CSMD1: variants seen among roughly 807,000 people sequenced by gnomAD.
CSMD1 encodes the protein CUB and Sushi multiple domains 1, also known as CUB and sushi domain-containing protein 1.
Under a neutral mutation model 417.5 loss-of-function variants are expected in CSMD1, and 213 were observed. The observed-to-expected ratio is 0.51, with a 90% CI of 0.46 to 0.57. CSMD1 has a LOEUF of 0.57. Ranked by LOEUF, CSMD1 falls within the 20% of genes least tolerant of loss-of-function variation. CSMD1 has a pLI of 0.00. For synonymous variants in CSMD1, 2,862 were observed against 1,736.8 expected, an observed-to-expected ratio of 1.65 and a Z score of -16.11; for missense variants, 6,923 against 4,529.7, an observed-to-expected ratio of 1.53 and a Z score of -15.17.
At chr8:4,050,099 G>C (rs1334724957) in intron 3 of CSMD1, among the ~76,000 whole-genome samples, 1 of 152,112 alleles carries the variant, frequency 6.6e-6, no homozygotes, top group East Asian at 1.9e-4. Context: ...CCAGGTTGTG[G>C]GTTGTTGGGA....
intron 11 of CSMD1, 48 bp downstream of exon 11, chr8:3,493,575 C>A (rs779198310): frequency 6.8e-7 from 1 of 1,479,600 alleles, no homozygotes; most frequent in South Asian, 1.2e-5. Context: ...ACCCACCGTG[C>A]CCCGCACTGC....
intron 3 of CSMD1, among the ~76,000 whole-genome samples, chr8:4,417,214 T>A (rs1203294625): frequency 1.3e-5 from 2 of 152,080 alleles, no homozygotes; most frequent in Non-Finnish European, 2.9e-5. Context: ...GTGTTCCCAC[T>A]GGATTTCCAG....
At chr8:3,633,234 G>T (rs1036904770) in intron 7 of CSMD1, among the ~76,000 whole-genome samples, 6 of 152,080 alleles carry the variant, frequency 3.9e-5, no homozygotes, top group African/African-American at 4.8e-5. Context: ...GTCTACATTG[G>T]ATATAACATA....
intron 10 of CSMD1, among the ~76,000 whole-genome samples, chr8:3,541,951 G>A (rs1380169406): frequency 1.3e-5 from 2 of 152,022 alleles, no homozygotes; most frequent in African/African-American, 2.4e-5. Context: ...AGGAGGTGGA[G>A]GTTGGAGTGA....
At chr8:3,744,529 G>C (rs1796973167) in intron 6 of CSMD1, among the ~76,000 whole-genome samples, 1 of 152,090 alleles carries the variant, frequency 6.6e-6, no homozygotes, top group Admixed American at 6.6e-5. Context: ...TAGATCCAAA[G>C]ATTCGTTTCT....
At chr8:4,318,763 A>C (rs1477919300) in intron 3 of CSMD1, among the ~76,000 whole-genome samples, 1 of 151,758 alleles carries the variant, frequency 6.6e-6, no homozygotes, top group African/African-American at 2.4e-5. Context: ...ATCAACCAAT[A>C]GATACCATAT....
chr8:4,657,849 G>T (rs1038089560), intron 1 of CSMD1, among the ~76,000 whole-genome samples: 5 of 151,838 alleles, frequency 3.3e-5, no homozygotes, highest in Admixed American at 6.6e-5. Flanking sequence ...AGGAAACCAG[G>T]AGAATGGCAT....
chr8:3,805,604 G>C (rs963418292), intron 5 of CSMD1, among the ~76,000 whole-genome samples: 1 of 152,158 alleles, frequency 6.6e-6, no homozygotes, highest in Admixed American at 6.6e-5. Context: ...TTCCAGCTAA[G>C]AGTTATACCT....
intron 52 of CSMD1, among the ~76,000 whole-genome samples, chr8:3,008,445 G>A (rs563099604): frequency 6.6e-6 from 1 of 152,312 alleles, no homozygotes; most frequent in South Asian, 2.1e-4. Context: ...CCTCCGCAAG[G>A]CCAGCCTCTC....
At chr8:4,401,832 G>A (rs1226928628) in intron 3 of CSMD1, among the ~76,000 whole-genome samples, 1 of 152,048 alleles carries the variant, frequency 6.6e-6, no homozygotes, top group Admixed American at 6.6e-5. Flanking sequence ...GGGATTGGCT[G>A]CTCATCATCA....
intron 7 of CSMD1, among the ~76,000 whole-genome samples, chr8:3,704,443 G>A (rs767466812): frequency 1.3e-5 from 2 of 152,174 alleles, no homozygotes; most frequent in Non-Finnish European, 2.9e-5. Flanking sequence ...GTGGTACTTT[G>A]TACTTGCCTA....
intron 26 of CSMD1, among the ~76,000 whole-genome samples, chr8:3,235,524 A>G (rs955937830): frequency 6.6e-6 from 1 of 152,150 alleles, no homozygotes; most frequent in Non-Finnish European, 1.5e-5. Flanking sequence ...AGACATTCCC[A>G]TTGCACATTA....
At chr8:3,798,306 C>T (rs539463368) in intron 5 of CSMD1, among the ~76,000 whole-genome samples, 1 of 152,044 alleles carries the variant, frequency 6.6e-6, no homozygotes. Flanking sequence ...AGGATTAGTG[C>T]TTCGTCTATC....
chr8:3,440,437 G>A (rs577139101), intron 12 of CSMD1, among the ~76,000 whole-genome samples: 4 of 152,130 alleles, frequency 2.6e-5, no homozygotes, highest in Admixed American at 6.5e-5. Context: ...GAAATTGGGT[G>A]TTCACGTGTT....
chr8:3,939,200 C>T (rs1810707782), intron 5 of CSMD1, among the ~76,000 whole-genome samples: 2 of 152,030 alleles, frequency 1.3e-5, no homozygotes, highest in Admixed American at 1.3e-4. Context: ...GAGAACCCAA[C>T]ACAAAAGTAA....
intron 4 of CSMD1, among the ~76,000 whole-genome samples, chr8:4,020,338 T>A (rs541320517): frequency 6.6e-6 from 1 of 152,342 alleles, no homozygotes; most frequent in East Asian, 1.9e-4. Context: ...TTAATCCCCT[T>A]CTTTCTGTGC....
chr8:4,395,234 C>T (rs929622369), intron 3 of CSMD1, among the ~76,000 whole-genome samples: 4 of 152,194 alleles, frequency 2.6e-5, no homozygotes, highest in African/African-American at 4.8e-5. Flanking sequence ...CTCCTCCCAA[C>T]TGTTTATCTT....
intron 57 of CSMD1, among the ~76,000 whole-genome samples, chr8:2,970,679 AC>A (rs1407752671): frequency 3.9e-5 from 6 of 152,182 alleles, no homozygotes; most frequent in Middle Eastern, 3.2e-3. Flanking sequence ...CAGAACCAAG[AC>A]TTTGTGATCA....
intron 5 of CSMD1, among the ~76,000 whole-genome samples, chr8:3,793,942 C>A (rs1347922118): frequency 1.3e-5 from 2 of 152,142 alleles, no homozygotes; most frequent in African/African-American, 2.4e-5. Flanking sequence ...TCCCCCAGAG[C>A]TGGGTAAATG....
Sources: gnomAD v4.1 joint callset for allele counts (sites outside exome capture counted in the v4.1 genomes callset) on GRCh38, gnomAD v4.1.1 for gene constraint, MANE v1.5 for transcripts, NCBI Gene and HGNC (gene_info 2026-07-23, HGNC 2026-07-21) for gene names.